The following SPEF2 variants were observed in gnomAD, a reference collection of about 807,000 sequenced individuals.
SPEF2 encodes sperm flagella and cilia-associated protein 2.
In SPEF2, 187 loss-of-function variants were observed where a neutral mutation model predicts 224.6. That is an observed-to-expected ratio of 0.83 (90% confidence interval 0.74 to 0.94). The LOEUF (loss-of-function observed/expected upper bound fraction) is 0.94. Among genes scored for constraint, SPEF2 ranks in the 40% least tolerant of loss-of-function variants. The pLI, the probability that SPEF2 is intolerant of heterozygous loss-of-function variation, is 0.00. For synonymous variants in SPEF2, 715 were observed against 707.3 expected (o/e 1.01, Z -0.17); for missense variants, 2,170 against 2,135.6 (o/e 1.02, Z -0.32).
intron 29 of SPEF2, 113 bp downstream of exon 29, chr5:35,776,508 G>A: frequency 1.6e-6 from 2 of 1,258,094 alleles, no homozygotes; most frequent in Non-Finnish European, 2.2e-6. Flanking sequence ...ATAAATTTTG[G>A]CCTTTTAGGA....
At chr5:35,731,621 C>T (rs947791613) in intron 21 of SPEF2, among the ~76,000 whole-genome samples, 2 of 152,100 alleles carry the variant, frequency 1.3e-5, no homozygotes, top group Non-Finnish European at 2.9e-5. Context: ...AAGACCTGAC[C>T]AGTGGTACTT....
chr5:35,633,116 T>G lies in SPEF2; in HGVS notation c.161+4554T>G, dbSNP rs116165312. On this transcript the variant is annotated intron_variant, in intron 2 of 36. Transcript: ENST00000356031. ...AAGAGAATGTATATTCTATTATTGT[T>G]CATTAAAGTGTGTATAGATATCTGT... 7.1e-3 allele frequency: 1,077 copies of G among 152,304 alleles called. 14 individuals carry two copies. Among genetic ancestry groups the G allele is most frequent in the African/African-American group, 0.025 (1,042 of 41,574 alleles). 9.4% of individuals were successfully genotyped at this position (152,304 alleles called of 1,614,324 possible).
intron 20 of SPEF2, among the ~76,000 whole-genome samples, chr5:35,719,682 C>G (rs962663205): frequency 6.6e-6 from 1 of 151,914 alleles, no homozygotes; most frequent in Admixed American, 6.6e-5. Flanking sequence ...GGTGCAGTAG[C>G]GTGATCTTGG....
intron 20 of SPEF2, among the ~76,000 whole-genome samples, chr5:35,714,977 G>A (rs1472379762): frequency 6.6e-6 from 1 of 151,986 alleles, no homozygotes; most frequent in East Asian, 1.9e-4. Context: ...GTGCAGTAGT[G>A]TGATCATGGC....
chr5:35,813,548 T>C (rs187414741), intron 36 of SPEF2, among the ~76,000 whole-genome samples: 17 of 152,238 alleles, frequency 1.1e-4, no homozygotes, highest in East Asian at 3.9e-4. Flanking sequence ...GAAAAGTCAA[T>C]GGGGAGCAGC....
chr5:35,647,759 T>C (rs1225617195), intron 5 of SPEF2, among the ~76,000 whole-genome samples: 1 of 152,192 alleles, frequency 6.6e-6, no homozygotes, highest in Non-Finnish European at 1.5e-5. Context: ...CTCCTCATCA[T>C]GCCACACTAT....
chr5:35,715,986 C>T (rs1437032062), intron 20 of SPEF2, among the ~76,000 whole-genome samples: 2 of 151,938 alleles, frequency 1.3e-5, no homozygotes, highest in Non-Finnish European at 2.9e-5. Context: ...AGTATGCATG[C>T]ATGCAATTTA....
At chr5:35,735,002 G>A (rs114946204) in intron 21 of SPEF2, among the ~76,000 whole-genome samples, 271 of 152,090 alleles carry the variant, frequency 1.8e-3, no homozygotes, top group Non-Finnish European at 3.1e-3. Flanking sequence ...GAGACACCAC[G>A]CCCGGCCATG....
At chr5:35,719,837 G>T (rs1420045506) in intron 20 of SPEF2, among the ~76,000 whole-genome samples, 1 of 152,106 alleles carries the variant, frequency 6.6e-6, no homozygotes, top group African/African-American at 2.4e-5. Flanking sequence ...GGCCAGGCTG[G>T]TCTGGAACCA....
chr5:35,717,210 A>T (rs911098874), intron 20 of SPEF2, among the ~76,000 whole-genome samples: 16 of 152,084 alleles, frequency 1.1e-4, no homozygotes, highest in Non-Finnish European at 1.5e-4. Context: ...TTTCTATAAC[A>T]ATGTGCATTT....
chr5:35,646,742 G>T lies in SPEF2; in HGVS notation c.661G>T (p.Ala221Ser). 2 of 1,613,802 alleles carry T rather than the reference G, an allele frequency of 1.2e-6. No homozygotes were observed. Among genetic ancestry groups the T allele is most frequent in the Non-Finnish European group, 1.7e-6 (2 of 1,179,898 alleles). ...AGCTATTATACAGATTCCTAAACCTGCATCAAATCGTACTTTGAAAGCACT... is the reference window on the plus strand; with the variant it reads ...AGCTATTATACAGATTCCTAAACCTTCATCAAATCGTACTTTGAAAGCACT... ...QAAIIQIPKP[A>S]SNRTLKALEA... Residue 221 changes from alanine to serine, a missense_variant, in exon 5 of 37, where the codon GCA becomes TCA. Physicochemically the swap from Ala to Ser is moderately conservative, Grantham distance 99 (BLOSUM62 1). Coordinates refer to ENST00000356031, the MANE Select transcript of SPEF2 (RefSeq NM_024867.4).
chr5:35,779,143 G>A lies in SPEF2; in HGVS notation c.4244G>A (p.Arg1415His), dbSNP rs548875887. The A allele has an allele frequency of 4.5e-5, 72 of 1,613,298 alleles. No homozygotes were observed. The highest frequency in any genetic ancestry group is 1.2e-4 in the Admixed American group (7 of 59,922). ...ACAGAAAAATTAACTGACGTAGCTC[G>A]CTATCACATTGAAACATCTACAAAA... The part of the protein sequence containing the change: ...ASTEKLTDVA[R>H]YHIETSTKIQ... The change falls in exon 30 of 37, where the codon CGC becomes CAC. Residue 1415 changes from arginine to histidine, a missense_variant. Coordinates refer to ENST00000356031, the MANE Select transcript of SPEF2 (RefSeq NM_024867.4).
chr5:35,740,383 G>T (rs1747408787), intron 23 of SPEF2, 116 bp downstream of exon 23: 3 of 1,350,558 alleles, frequency 2.2e-6, no homozygotes, highest in South Asian at 2.7e-5. Context: ...AAAGAAAATG[G>T]TTTGAACTAT....
In SPEF2 at chr5:35,751,024, C is replaced by CACATAT. The variant is rs1491524547; in HGVS notation, c.3331-2600_3331-2599insACATAT. Among the ~76,000 whole-genome samples, 142 of 85,602 alleles carry CACATAT rather than the reference C, an allele frequency of 1.7e-3. 3 individuals are homozygous for CACATAT. Among genetic ancestry groups the CACATAT allele is most frequent in the African/African-American group, 6.3e-3 (128 of 20,246 alleles). 56.2% of individuals were successfully genotyped at this position (85,602 alleles called of 152,430 possible). A position where few individuals can be genotyped will look rare whatever the true frequency, so the allele number is the denominator to read the frequency against. On this transcript the variant is annotated intron_variant, in intron 23 of 36. Coordinates refer to ENST00000356031, the MANE Select transcript of SPEF2 (RefSeq NM_024867.4). ...ATATATATATATACGTATATATATA[C>CACATAT]GTATATATATACACATATGTATATA...
chr5:35,746,396 C>T (rs138626244), intron 23 of SPEF2, among the ~76,000 whole-genome samples: 180 of 152,166 alleles, frequency 1.2e-3, no homozygotes, highest in African/African-American at 4.0e-3. Flanking sequence ...AAAGGCAAAG[C>T]CCAATGCAAG....
At chr5:35,710,420 G>A (rs1488808379) in intron 19 of SPEF2, 5 of 494,446 alleles carry the variant, frequency 1.0e-5, no homozygotes, top group African/African-American at 2.1e-5. Context: ...AGCTGGGCGT[G>A]GTGGCAGGCA....
At chr5:35,805,335 A>C (rs999562134) in intron 34 of SPEF2, among the ~76,000 whole-genome samples, 1 of 152,248 alleles carries the variant, frequency 6.6e-6, no homozygotes, top group Non-Finnish European at 1.5e-5. Flanking sequence ...GTCCCTCCAA[A>C]TTCCTTATAG....
chr5:35,737,823 C>A (rs1746882836), intron 21 of SPEF2, among the ~76,000 whole-genome samples: 1 of 152,122 alleles, frequency 6.6e-6, no homozygotes, highest in South Asian at 2.1e-4. Context: ...AGTTTACAGT[C>A]CCACCAACAG....
intron 32 of SPEF2, among the ~76,000 whole-genome samples, chr5:35,793,700 T>C (rs1335849734): frequency 6.7e-6 from 1 of 150,206 alleles, no homozygotes; most frequent in East Asian, 2.0e-4. Flanking sequence ...TACTCTAAGC[T>C]CCCAGCGTAG....
Sources: gnomAD v4.1 joint callset for allele counts (sites outside exome capture counted in the v4.1 genomes callset) on GRCh38, gnomAD v4.1.1 for gene constraint, MANE v1.5 for transcripts, NCBI Gene and HGNC (gene_info 2026-07-23, HGNC 2026-07-21) for gene names.